The following PCDH9 variants were observed in gnomAD, a reference collection of about 807,000 sequenced individuals.
PCDH9 encodes protocadherin-9.
In PCDH9, 24 loss-of-function variants were observed where a neutral mutation model predicts 70.6. The ratio of observed to expected loss-of-function variants is 0.34; its 90% confidence interval spans 0.25 to 0.48. The LOEUF is 0.48. PCDH9 is among the 20% of genes least tolerant of loss of function. The probability of loss-of-function intolerance (pLI) is 0.99; values close to 1 mark genes in which losing one functional copy is unlikely to be tolerated. For missense variants in PCDH9, 1,281 were observed against 1,503.6 expected (o/e 0.85, Z 2.45); for synonymous variants, 562 against 558.5 (o/e 1.01, Z -0.09).
chr13:66,759,278 C>T (rs79069413), intron 3 of PCDH9, among the ~76,000 whole-genome samples: 3,381 of 151,838 alleles, frequency 0.022, 136 homozygotes, highest in African/African-American at 0.075. Context: ...TACTTAAAGC[C>T]TAATTTATTT....
chr13:67,127,761 C>G (rs1408725182), intron 2 of PCDH9, among the ~76,000 whole-genome samples: 1 of 150,768 alleles, frequency 6.6e-6, no homozygotes, highest in South Asian at 2.1e-4. Context: ...TCAAACCATG[C>G]CTTTTCTAAT....
intron 4 of PCDH9, among the ~76,000 whole-genome samples, chr13:66,370,693 A>G (rs1207859370): frequency 6.6e-6 from 1 of 151,578 alleles, no homozygotes; most frequent in Non-Finnish European, 1.5e-5. Flanking sequence ...CAAAAAATTT[A>G]TGTAGAGACA....
At chr13:67,175,352 A>T (rs2088421521) in intron 2 of PCDH9, among the ~76,000 whole-genome samples, 1 of 152,210 alleles carries the variant, frequency 6.6e-6, no homozygotes, top group African/African-American at 2.4e-5. Context: ...CAAATAAAGC[A>T]TCTTATGTGA....
At chr13:66,597,597 TCAA>T (rs1375277442) in intron 4 of PCDH9, among the ~76,000 whole-genome samples, 9 of 151,534 alleles carry the variant, frequency 5.9e-5, no homozygotes, top group Admixed American at 5.3e-4. Flanking sequence ...GAGTAAAGAC[TCAA>T]CAACAAGACC....
At chr13:66,675,514 C>A (rs924526495) in intron 3 of PCDH9, among the ~76,000 whole-genome samples, 2 of 152,026 alleles carry the variant, frequency 1.3e-5, no homozygotes, top group African/African-American at 2.4e-5. Context: ...AAACATATTT[C>A]TTTTAGATCA....
At chr13:66,928,939 T>C (rs996268069) in intron 2 of PCDH9, among the ~76,000 whole-genome samples, 4 of 152,160 alleles carry the variant, frequency 2.6e-5, no homozygotes, top group Admixed American at 2.0e-4. Context: ...TAGTCATGAC[T>C]GGTACAGTTA....
At position 66,924,123 on chromosome 13, in the gene PCDH9, C is replaced by T. The variant is rs375157165; in HGVS notation, c.3037-20518G>A. Among the ~76,000 whole-genome samples, 267 of 151,800 alleles carry T rather than the reference C, an allele frequency of 1.8e-3. 1 individual carries two copies. Among genetic ancestry groups the T allele is most frequent in the African/African-American group, 6.2e-3 (256 of 41,496 alleles). On this transcript the variant is annotated intron_variant, in intron 2 of 4. Transcript: ENST00000377865. Reference sequence around the variant, plus strand: ...GTAAAGAGACCACCTTTTCTCAAATCCTGTAACCTAAATAGTGCATCACTT... The same window carrying T: ...GTAAAGAGACCACCTTTTCTCAAATTCTGTAACCTAAATAGTGCATCACTT...
chr13:67,057,169 C>T (rs952456620), intron 2 of PCDH9, among the ~76,000 whole-genome samples: 2 of 152,160 alleles, frequency 1.3e-5, no homozygotes, highest in Non-Finnish European at 2.9e-5. Context: ...TAGGAATACG[C>T]ATAGATTAAC....
At chr13:66,306,982 T>C (rs1354990355) in intron 4 of PCDH9, among the ~76,000 whole-genome samples, 2 of 152,078 alleles carry the variant, frequency 1.3e-5, no homozygotes, top group African/African-American at 4.8e-5. Flanking sequence ...GCTTAGAAGA[T>C]GCTTTTTGCC....
intron 3 of PCDH9, among the ~76,000 whole-genome samples, chr13:66,867,090 G>A (rs183175222): frequency 1.3e-5 from 2 of 149,928 alleles, no homozygotes; most frequent in South Asian, 4.2e-4. Context: ...TGTATTTTGA[G>A]CTTTTTATTC....
At chr13:66,615,065 A>AT (rs1304697563) in intron 4 of PCDH9, among the ~76,000 whole-genome samples, 2 of 152,250 alleles carry the variant, frequency 1.3e-5, no homozygotes, top group Non-Finnish European at 2.9e-5. Context: ...TTGGACCAGT[A>AT]TAAGCATGCC....
chr13:67,173,930 G>A lies in PCDH9; in HGVS notation c.3036+51475C>T, dbSNP rs529850558. On this transcript the variant is annotated intron_variant, in intron 2 of 4. Coordinates refer to ENST00000377865, the MANE Select transcript of PCDH9 (RefSeq NM_203487.3). Reference sequence around the variant, plus strand: ...AGCTAACTCTTTTCAACAACTTAGGGACAGGTTTTGCTTCTCAAATGAAAG... The same window carrying A: ...AGCTAACTCTTTTCAACAACTTAGGAACAGGTTTTGCTTCTCAAATGAAAG... 8.5e-5 allele frequency among the ~76,000 whole-genome samples: 13 copies of A among 152,174 alleles called. No homozygotes were observed. The South Asian group carries it at 2.7e-3, about 32-fold the overall frequency.
intron 2 of PCDH9, among the ~76,000 whole-genome samples, chr13:66,920,195 T>G (rs368641392): frequency 4.6e-5 from 7 of 151,292 alleles, no homozygotes; most frequent in African/African-American, 1.7e-4. Context: ...TTTTAACTTT[T>G]GCTGGGGAAT....
intron 4 of PCDH9, among the ~76,000 whole-genome samples, chr13:66,383,665 G>A (rs987353282): frequency 7.2e-5 from 11 of 151,970 alleles, no homozygotes; most frequent in African/African-American, 2.4e-4. Context: ...CACTTTCTGG[G>A]AATTTCTTAC....
At chr13:66,896,603 T>C (rs1235510331) in intron 3 of PCDH9, among the ~76,000 whole-genome samples, 8 of 152,198 alleles carry the variant, frequency 5.3e-5, no homozygotes, top group Admixed American at 2.0e-4. Flanking sequence ...TCTGTAAATA[T>C]GCATATCTGC....
At chr13:67,161,722 G>A (rs2087965991) in intron 2 of PCDH9, among the ~76,000 whole-genome samples, 1 of 152,202 alleles carries the variant, frequency 6.6e-6, no homozygotes, top group Non-Finnish European at 1.5e-5. Context: ...CTGTCAGGCA[G>A]GGTTAATGTG....
chr13:66,340,382 C>T (rs1956105499), intron 4 of PCDH9, among the ~76,000 whole-genome samples: 1 of 152,130 alleles, frequency 6.6e-6, no homozygotes, highest in Non-Finnish European at 1.5e-5. Flanking sequence ...CACTTTTCTA[C>T]TACATGGCTT....
At position 66,768,242 on chromosome 13, in the gene PCDH9, CA is replaced by C. The variant is rs1415158075; in HGVS notation, c.3138+135261del. Among the ~76,000 whole-genome samples the C allele has an allele frequency of 1.2e-4, 18 of 151,988 alleles. No homozygotes were observed. In the East Asian group the frequency reaches 2.1e-3, roughly 18 times the overall value. On this transcript the variant is annotated intron_variant, in intron 3 of 4. Coordinates refer to ENST00000377865, the MANE Select transcript of PCDH9 (RefSeq NM_203487.3). ...CCCCTATGGCAATAGTTGATCAAATCAAAGGCATAAAAAATGAAAAGAATTG... is the reference window on the plus strand; with the variant it reads ...CCCCTATGGCAATAGTTGATCAAATCAAGGCATAAAAAATGAAAAGAATTG...
chr13:67,079,155 C>A (rs1262137107), intron 2 of PCDH9, among the ~76,000 whole-genome samples: 2 of 151,476 alleles, frequency 1.3e-5, no homozygotes, highest in African/African-American at 4.9e-5. Flanking sequence ...ATTACTATGA[C>A]CTGAAATATA....
Sources: gnomAD v4.1 joint callset for allele counts (sites outside exome capture counted in the v4.1 genomes callset) on GRCh38, gnomAD v4.1.1 for gene constraint, MANE v1.5 for transcripts, NCBI Gene and HGNC (gene_info 2026-07-23, HGNC 2026-07-21) for gene names.